Variants in ACACA observed in about 807,000 individuals in gnomAD.
ACACA encodes the protein acetyl-CoA carboxylase alpha.
In ACACA, 103 loss-of-function variants were observed where a neutral mutation model predicts 296.1. The observed-to-expected ratio is 0.35, with a 90% CI of 0.30 to 0.41. The LOEUF is 0.41. Ranked by LOEUF, ACACA falls within the 10% of genes least tolerant of loss-of-function variation. The pLI is 1.00. For synonymous variants in ACACA, 953 were observed against 1,038.6 expected, an observed-to-expected ratio of 0.92 and a Z score of 1.58; for missense variants, 1,554 against 2,989.7, an observed-to-expected ratio of 0.52 and a Z score of 11.20.
At chr17:37,347,569 CA>C (rs1263358954) in intron 1 of ACACA, among the ~76,000 whole-genome samples, 2 of 152,000 alleles carry the variant, frequency 1.3e-5, no homozygotes, top group Non-Finnish European at 2.9e-5. Context: ...GTTAGGACTG[CA>C]GGTGTGAGTC....
At chr17:37,331,397 C>A (rs74786623) in intron 2 of ACACA, among the ~76,000 whole-genome samples, 1 of 146,814 alleles carries the variant, frequency 6.8e-6, no homozygotes, top group Admixed American at 6.8e-5. Flanking sequence ...TGTGAGCCAC[C>A]GCACCCGGCC....
chr17:37,185,192 C>T (rs1009182403), intron 39 of ACACA, among the ~76,000 whole-genome samples: 3 of 152,078 alleles, frequency 2.0e-5, no homozygotes, highest in Admixed American at 6.5e-5. Flanking sequence ...ACACACAAAA[C>T]GAGTCCATTT....
At chr17:37,338,960 G>C (rs1244470356) in intron 2 of ACACA, among the ~76,000 whole-genome samples, 1 of 150,602 alleles carries the variant, frequency 6.6e-6, no homozygotes, top group Non-Finnish European at 1.5e-5. Context: ...AAAAAAGGAA[G>C]AAAAAAGGCA....
chr17:37,111,761 C>T, intron 51 of ACACA, 118 bp from the exon 52 acceptor site: 1 of 790,868 alleles, frequency 1.3e-6, no homozygotes, highest in South Asian at 1.4e-5. Flanking sequence ...ATCATTTTGC[C>T]CACCTATGGT....
At chr17:37,251,967 T>G in intron 16 of ACACA, 38 bp downstream of exon 16, 1 of 1,565,134 alleles carries the variant, frequency 6.4e-7, no homozygotes, top group Non-Finnish European at 8.8e-7. Flanking sequence ...CTCAGGACCA[T>G]TGATTAGTTT....
chr17:37,337,106 A>C (rs12948120), intron 2 of ACACA, among the ~76,000 whole-genome samples: 54,518 of 151,978 alleles, frequency 0.36, 13,029 homozygotes, highest in African/African-American at 0.67. Context: ...AGCATCCATT[A>C]ATCTATGCTT....
At chr17:37,214,557 C>T (rs1160590081) in intron 29 of ACACA, among the ~76,000 whole-genome samples, 1 of 152,188 alleles carries the variant, frequency 6.6e-6, no homozygotes, top group East Asian at 1.9e-4. Context: ...CCCCAGGACT[C>T]AGCTAGTCTT....
chr17:37,187,199 A>G (rs1232691138), intron 39 of ACACA, among the ~76,000 whole-genome samples: 1 of 152,200 alleles, frequency 6.6e-6, no homozygotes, highest in African/African-American at 2.4e-5. Context: ...AGATTTCTCT[A>G]GCCACCTCAC....
At position 37,184,019 on chromosome 17, in the gene ACACA, A is replaced by G. The variant is rs145801309; in HGVS notation, c.4777-2663T>C. Among the ~76,000 whole-genome samples, 1,328 of 151,620 alleles carry G rather than the reference A, an allele frequency of 8.8e-3. 17 individuals are homozygous for G. The highest frequency in any genetic ancestry group is 0.012 in the Non-Finnish European group (839 of 67,832). ...AGGCATGCGCCACCACGCCCAGCTA[A>G]TTTTGTATTTTTAGTAGAGATGGAG... On this transcript the variant is annotated intron_variant, in intron 39 of 55. Coordinates refer to ENST00000616317, the MANE Select transcript of ACACA (RefSeq NM_198834.3).
chr17:37,346,837 T>C (rs572261678), intron 1 of ACACA, among the ~76,000 whole-genome samples: 39 of 152,332 alleles, frequency 2.6e-4, no homozygotes, highest in Middle Eastern at 3.4e-3. Context: ...ATTTCCATTG[T>C]ATCTAGGAAG....
intron 7 of ACACA, 108 bp from the exon 8 acceptor site, chr17:37,276,157 C>T (rs1272102351): frequency 1.2e-5 from 10 of 806,262 alleles, no homozygotes; most frequent in Admixed American, 3.7e-5. Context: ...TTGTCCTCCC[C>T]CCACCCCTCA....
Position 37,360,029 on chromosome 17 carries a change from C to G in ACACA, c.39-20179G>C, listed in dbSNP as rs549875428. 2.6e-4 allele frequency among the ~76,000 whole-genome samples: 39 copies of G among 152,228 alleles called. 1 individual carries two copies. The highest frequency in any genetic ancestry group is 9.1e-4 in the African/African-American group (38 of 41,538). ...TGCTTCCCGTCCTCCACTGTGGGCACGCCGAGCCTTTGAGAGGAAGCCAGT... is the reference window on the plus strand; with the variant it reads ...TGCTTCCCGTCCTCCACTGTGGGCAGGCCGAGCCTTTGAGAGGAAGCCAGT... On this transcript the variant is annotated intron_variant, in intron 1 of 55. Coordinates refer to ENST00000616317, the MANE Select transcript of ACACA (RefSeq NM_198834.3).
intron 1 of ACACA, among the ~76,000 whole-genome samples, chr17:37,357,951 G>A (rs1279944743): frequency 6.6e-6 from 1 of 152,156 alleles, no homozygotes; most frequent in Non-Finnish European, 1.5e-5. Context: ...AAAATGAATG[G>A]AAAGAGAGAG....
At chr17:37,203,913 AAGCACCTTTTCCTCATACTG>A (rs1205191916) in intron 33 of ACACA, among the ~76,000 whole-genome samples, 1 of 152,190 alleles carries the variant, frequency 6.6e-6, no homozygotes, top group Non-Finnish European at 1.5e-5. Flanking sequence ...ACTTCTCTGG[AAGCACCTTTTCCTCATACTG>A]ACCACTGCAA....
At chr17:37,378,080 G>T in intron 1 of ACACA, 1 of 958,766 alleles carries the variant, frequency 1.0e-6, no homozygotes, top group South Asian at 1.6e-5. Context: ...CTATTTTAAG[G>T]ATATGTATCC....
chr17:37,312,852 C>A (rs1440563085), intron 3 of ACACA, among the ~76,000 whole-genome samples: 8 of 151,770 alleles, frequency 5.3e-5, no homozygotes, highest in Non-Finnish European at 1.2e-4. Flanking sequence ...CATAGCAAGA[C>A]CCCATCTCTA....
intron 10 of ACACA, among the ~76,000 whole-genome samples, chr17:37,267,748 A>ACTT (rs778700072): frequency 2.4e-4 from 34 of 141,810 alleles, no homozygotes; most frequent in Admixed American, 5.8e-4. Context: ...TCCTATATTG[A>ACTT]CTTCTTCTTC....
intron 1 of ACACA, among the ~76,000 whole-genome samples, chr17:37,353,637 TAAAAAAA>T (rs1169088763): frequency 3.5e-5 from 2 of 56,662 alleles, no homozygotes; most frequent in African/African-American, 1.6e-4. Flanking sequence ...AGACTCCGTC[TAAAAAAA>T]AAAAAAAAAA....
At chr17:37,117,976 C>T (rs749522851) in intron 50 of ACACA, among the ~76,000 whole-genome samples, 4 of 152,132 alleles carry the variant, frequency 2.6e-5, no homozygotes, top group Non-Finnish European at 5.9e-5. Flanking sequence ...AATCCCCAGC[C>T]AGTATTGAAA....
Sources: allele counts gnomAD v4.1 joint callset (sites outside exome capture counted in the v4.1 genomes callset), GRCh38; gene constraint gnomAD v4.1.1; transcripts MANE v1.5; gene names NCBI Gene and HGNC (gene_info 2026-07-23, HGNC 2026-07-21).